The following CACHD1 variants were observed in gnomAD, a reference collection of about 807,000 sequenced individuals.
CACHD1 encodes the protein VWFA and cache domain-containing protein 1.
Under a neutral mutation model 138.7 loss-of-function variants are expected in CACHD1, and 71 were observed. The observed-to-expected ratio is 0.51, with a 90% CI of 0.42 to 0.62. The LOEUF (loss-of-function observed/expected upper bound fraction) is 0.62. Ranked by LOEUF, CACHD1 falls within the 20% of genes least tolerant of loss-of-function variation. CACHD1 has a pLI of 0.00. For missense variants in CACHD1, 1,389 were observed against 1,625.3 expected (o/e 0.85, Z 2.50); for synonymous variants, 578 against 591.5 (o/e 0.98, Z 0.33).
chr1:64,483,675 C>T (rs1348546803), intron 1 of CACHD1, among the ~76,000 whole-genome samples: 1 of 120,786 alleles, frequency 8.3e-6, no homozygotes, highest in Non-Finnish European at 1.6e-5. Flanking sequence ...GAGACCCTGT[C>T]TCTACCAAAA....
At chr1:64,586,061 C>T (rs1251516296) in intron 3 of CACHD1, among the ~76,000 whole-genome samples, 2 of 152,062 alleles carry the variant, frequency 1.3e-5, no homozygotes, top group Admixed American at 1.3e-4. Context: ...TTTCAGTTCA[C>T]GCCTTCCTTT....
intron 9 of CACHD1, among the ~76,000 whole-genome samples, chr1:64,651,491 C>T (rs1366038368): frequency 6.6e-6 from 1 of 151,990 alleles, no homozygotes; most frequent in Non-Finnish European, 1.5e-5. Flanking sequence ...ATGCTGTGTC[C>T]TTTAAACAGA....
At chr1:64,474,371 G>A (rs138645409) in intron 1 of CACHD1, among the ~76,000 whole-genome samples, 185 of 152,222 alleles carry the variant, frequency 1.2e-3, no homozygotes, top group Non-Finnish European at 2.3e-3. Context: ...TGGGTAGGTA[G>A]AGACCTGGAT....
chr1:64,649,567 G>A (rs1030623993), intron 9 of CACHD1, among the ~76,000 whole-genome samples: 2 of 152,234 alleles, frequency 1.3e-5, no homozygotes, highest in South Asian at 2.1e-4. Flanking sequence ...CTCAGTAAGC[G>A]TAAGTCTGAT....
chr1:64,580,684 G>C (rs1490344264), intron 2 of CACHD1, among the ~76,000 whole-genome samples: 1 of 151,996 alleles, frequency 6.6e-6, no homozygotes, highest in Non-Finnish European at 1.5e-5. Context: ...TTCTCATCTG[G>C]GCCATTAGTG....
intron 13 of CACHD1, 80 bp downstream of exon 13, chr1:64,658,953 C>G: frequency 4.0e-6 from 5 of 1,249,158 alleles, no homozygotes; most frequent in Non-Finnish European, 4.3e-6. Flanking sequence ...TCCACCCCAC[C>G]CCTCCAAAAA....
At chr1:64,490,879 A>G (rs1366995322) in intron 1 of CACHD1, among the ~76,000 whole-genome samples, 1 of 152,242 alleles carries the variant, frequency 6.6e-6, no homozygotes, top group Non-Finnish European at 1.5e-5. Context: ...TGGTGGGAAC[A>G]TAGATGCAGA....
chr1:64,479,864 C>T (rs936123877), intron 1 of CACHD1, among the ~76,000 whole-genome samples: 2 of 152,142 alleles, frequency 1.3e-5, no homozygotes, highest in Non-Finnish European at 2.9e-5. Context: ...TGCCCAAGTT[C>T]CTTGTATTTG....
At chr1:64,566,793 A>G (rs1416784783) in intron 2 of CACHD1, among the ~76,000 whole-genome samples, 1 of 151,984 alleles carries the variant, frequency 6.6e-6, no homozygotes. Context: ...ACATGCAACA[A>G]TATTGTAATT....
At chr1:64,512,343 G>A (rs1341248723) in intron 1 of CACHD1, among the ~76,000 whole-genome samples, 1 of 144,136 alleles carries the variant, frequency 6.9e-6, no homozygotes, top group Non-Finnish European at 1.5e-5. Context: ...GCAGTGAGCT[G>A]AGATTGCACC....
chr1:64,684,193 C>T (rs1445132754), intron 26 of CACHD1, among the ~76,000 whole-genome samples: 1 of 152,070 alleles, frequency 6.6e-6, no homozygotes, highest in Non-Finnish European at 1.5e-5. Flanking sequence ...GAGTCTCGCT[C>T]TTGTCACCCA....
intron 2 of CACHD1, among the ~76,000 whole-genome samples, chr1:64,579,401 A>T (rs975678706): frequency 6.6e-6 from 1 of 152,184 alleles, no homozygotes; most frequent in African/African-American, 2.4e-5. Context: ...TGTGTGTGTG[A>T]GAGAGAAGGA....
chr1:64,576,874 G>A (rs1414656326), intron 2 of CACHD1, among the ~76,000 whole-genome samples: 1 of 151,392 alleles, frequency 6.6e-6, no homozygotes, highest in African/African-American at 2.4e-5. Context: ...ATGGTACTCA[G>A]GTAATATTAG....
chr1:64,690,952 G>A (rs914027022), intron 26 of CACHD1, among the ~76,000 whole-genome samples: 5 of 152,210 alleles, frequency 3.3e-5, no homozygotes, highest in African/African-American at 1.2e-4. Context: ...ATAGGTAAAA[G>A]TGTAGAAAGA....
intron 3 of CACHD1, among the ~76,000 whole-genome samples, chr1:64,585,048 G>A (rs764024156): frequency 7.9e-5 from 12 of 152,178 alleles, no homozygotes; most frequent in South Asian, 2.1e-4. Flanking sequence ...GAAAAATACC[G>A]CAGTACCATT....
chr1:64,518,705 T>G (rs1646476859), intron 1 of CACHD1, among the ~76,000 whole-genome samples: 1 of 152,298 alleles, frequency 6.6e-6, no homozygotes, highest in South Asian at 2.1e-4. Context: ...AAGTAAGGTA[T>G]ATAGATGGCT....
chr1:64,606,741 G>T (rs1454748452), intron 4 of CACHD1, among the ~76,000 whole-genome samples: 2 of 152,194 alleles, frequency 1.3e-5, no homozygotes, highest in Non-Finnish European at 2.9e-5. Flanking sequence ...TGACAGTGGA[G>T]GTGATGAGAA....
At chr1:64,581,952 T>C (rs1240140970) in intron 2 of CACHD1, among the ~76,000 whole-genome samples, 1 of 152,232 alleles carries the variant, frequency 6.6e-6, no homozygotes, top group African/African-American at 2.4e-5. Context: ...TTTACTGTTG[T>C]CTGAGTATCC....
intron 13 of CACHD1, 145 bp downstream of exon 13, chr1:64,659,018 T>A (rs1649355211): frequency 3.0e-6 from 2 of 673,204 alleles, no homozygotes; most frequent in South Asian, 5.5e-5. Context: ...ATGAAAACGA[T>A]TTGAAGCCTG....
Sources: gnomAD v4.1 joint callset for allele counts (sites outside exome capture counted in the v4.1 genomes callset) on GRCh38, gnomAD v4.1.1 for gene constraint, MANE v1.5 for transcripts, NCBI Gene and HGNC (gene_info 2026-07-23, HGNC 2026-07-21) for gene names.